Variants in DENND1B observed in about 807,000 individuals in gnomAD.
DENND1B encodes DENN domain-containing protein 1B.
A neutral mutation model predicts 90.1 loss-of-function variants in DENND1B; 59 were observed. That is an observed-to-expected ratio of 0.65 (90% confidence interval 0.53 to 0.81). The LOEUF (loss-of-function observed/expected upper bound fraction) is 0.81. DENND1B is among the 40% of genes least tolerant of loss of function. DENND1B has a pLI of 0.00. For synonymous variants in DENND1B, 337 were observed against 324.6 expected (o/e 1.04, Z -0.41); for missense variants, 862 against 912.6 (o/e 0.94, Z 0.71).
chr1:197,579,476 T>G (rs1455585812), intron 15 of DENND1B, among the ~76,000 whole-genome samples: 1 of 152,170 alleles, frequency 6.6e-6, no homozygotes, highest in Non-Finnish European at 1.5e-5. Flanking sequence ...TAGCTTTGGA[T>G]GTATGAATAT....
intron 3 of DENND1B, among the ~76,000 whole-genome samples, chr1:197,675,796 CAT>C (rs1191958909): frequency 6.6e-6 from 1 of 152,022 alleles, no homozygotes; most frequent in Non-Finnish European, 1.5e-5. Context: ...CAATAAAGAA[CAT>C]ATATTCAAAA....
At chr1:197,544,924 A>AG (rs1558222302) in intron 18 of DENND1B, among the ~76,000 whole-genome samples, 55 of 1,394 alleles carry the variant, frequency 0.039, no homozygotes, top group South Asian at 0.056. Flanking sequence ...AAGAAGAAGA[A>AG]AAGAGAAGAA....
intron 2 of DENND1B, among the ~76,000 whole-genome samples, chr1:197,757,839 A>C (rs1654504480): frequency 6.6e-6 from 1 of 152,204 alleles, no homozygotes; most frequent in Non-Finnish European, 1.5e-5. Flanking sequence ...CACAGACCTC[A>C]CAACCAATTG....
At chr1:197,606,990 T>C in intron 13 of DENND1B, 83 bp downstream of exon 13, 2 of 984,932 alleles carry the variant, frequency 2.0e-6, no homozygotes, top group Non-Finnish European at 3.1e-6. Context: ...ATTTCAGATA[T>C]TAAAAGTGGG....
chr1:197,560,310 G>T (rs1426274192), intron 15 of DENND1B, among the ~76,000 whole-genome samples: 1 of 151,850 alleles, frequency 6.6e-6, no homozygotes, highest in Non-Finnish European at 1.5e-5. Flanking sequence ...AGGAATAAAT[G>T]AAGCAGGCAA....
intron 10 of DENND1B, among the ~76,000 whole-genome samples, chr1:197,618,532 T>C (rs1309736834): frequency 1.3e-5 from 2 of 151,218 alleles, no homozygotes; most frequent in Non-Finnish European, 3.0e-5. Flanking sequence ...TGGTAAGCAG[T>C]TAATTAAACA....
At chr1:197,777,064 A>G (rs1657305918), upstream of DENND1B, among the ~76,000 whole-genome samples, 1 of 151,992 alleles carries the variant, frequency 6.6e-6, no homozygotes, top group African/African-American at 2.4e-5. Flanking sequence ...CCAAATAAAG[A>G]TTTTTCTGCA....
chr1:197,648,902 TG>T (rs1452272150), intron 7 of DENND1B, among the ~76,000 whole-genome samples: 3 of 152,216 alleles, frequency 2.0e-5, no homozygotes, highest in East Asian at 1.9e-4. Flanking sequence ...CTCCCAAATT[TG>T]GGTTAAAAAT....
chr1:197,704,409 C>G (rs568176805), intron 3 of DENND1B, among the ~76,000 whole-genome samples: 1 of 152,150 alleles, frequency 6.6e-6, no homozygotes, highest in Non-Finnish European at 1.5e-5. Context: ...TTCCTCGCCT[C>G]TAGTTTCTAC....
At chr1:197,537,035 C>T (rs961337440) in intron 20 of DENND1B, among the ~76,000 whole-genome samples, 6 of 131,512 alleles carry the variant, frequency 4.6e-5, no homozygotes, top group Admixed American at 1.6e-4. Context: ...AGCAAGACTC[C>T]GTCTCAGAGA....
chr1:197,701,956 A>G (rs1659075699), intron 3 of DENND1B, among the ~76,000 whole-genome samples: 1 of 152,208 alleles, frequency 6.6e-6, no homozygotes, highest in Admixed American at 6.5e-5. Flanking sequence ...AACTAAAAAC[A>G]CCACCAAAAA....
At position 197,510,698 on chromosome 1, in the gene DENND1B, T is replaced by G; in HGVS notation, c.2090A>C (p.Asp697Ala). ...TTCCCTCTTTTCTGTTTTTCCTTTA[T>G]CAGTCTGGGAAACTTCAGGGGAAGT... ...QLTSPEVSQT[D>A]KGKTEKRETL... Residue 697 changes from aspartate to alanine, a missense_variant, in exon 23 of 23, where the codon GAT becomes GCT. Coordinates refer to ENST00000620048, the MANE Select transcript of DENND1B (RefSeq NM_001195215.2). 6.2e-7 allele frequency: 1 copy of G among 1,612,816 alleles called. No individual in the cohort carries two copies. Among genetic ancestry groups the G allele is most frequent in the Non-Finnish European group, 8.5e-7 (1 of 1,179,228 alleles).
intron 9 of DENND1B, 64 bp from the exon 10 acceptor site, chr1:197,642,885 A>G: frequency 1.8e-6 from 2 of 1,102,480 alleles, no homozygotes; most frequent in South Asian, 2.8e-5. Flanking sequence ...AAAACATTTT[A>G]CACACTTACC....
At chr1:197,586,386 T>C (rs1011797222) in intron 14 of DENND1B, among the ~76,000 whole-genome samples, 1 of 152,232 alleles carries the variant, frequency 6.6e-6, no homozygotes, top group Admixed American at 6.5e-5. Flanking sequence ...AATAAATGTA[T>C]ATTTTTTCAG....
In DENND1B at chr1:197,558,024, G is replaced by A. The variant is rs182890689; in HGVS notation, c.1150-4912C>T. On this transcript the variant is annotated intron_variant, in intron 15 of 22. Transcript: ENST00000620048. ...ATCTACAGGTAATTGGAAGACATAA[G>A]CTTTGAAAGAATTAGTTTATTATTA... 1.4e-3 allele frequency among the ~76,000 whole-genome samples: 216 copies of A among 151,876 alleles called. 3 individuals carry two copies. Among genetic ancestry groups the A allele is most frequent in the Non-Finnish European group, 2.5e-4 (17 of 67,824 alleles).
intron 12 of DENND1B, among the ~76,000 whole-genome samples, chr1:197,611,547 A>C (rs1677182418): frequency 6.6e-6 from 1 of 150,738 alleles, no homozygotes; most frequent in African/African-American, 2.4e-5. Flanking sequence ...CTGCAAAATA[A>C]AAAATTTTAC....
intron 2 of DENND1B, among the ~76,000 whole-genome samples, chr1:197,755,286 C>T (rs1212549453): frequency 1.3e-5 from 2 of 152,040 alleles, no homozygotes; most frequent in East Asian, 3.8e-4. Context: ...GAGTATATAG[C>T]CTACCAAAAG....
At chr1:197,707,114 AC>A (rs1175876745) in intron 3 of DENND1B, among the ~76,000 whole-genome samples, 1 of 152,224 alleles carries the variant, frequency 6.6e-6, no homozygotes, top group Non-Finnish European at 1.5e-5. Context: ...TCATGGCAAC[AC>A]AGATGGGCTT....
intron 20 of DENND1B, among the ~76,000 whole-genome samples, chr1:197,518,133 T>C (rs915574951): frequency 6.6e-6 from 1 of 151,888 alleles, no homozygotes; most frequent in African/African-American, 2.4e-5. Flanking sequence ...TCATACATAC[T>C]AGTTCCAGGA....
Sources: gnomAD v4.1 joint callset for allele counts (sites outside exome capture counted in the v4.1 genomes callset) on GRCh38, gnomAD v4.1.1 for gene constraint, MANE v1.5 for transcripts, NCBI Gene and HGNC (gene_info 2026-07-23, HGNC 2026-07-21) for gene names.